Variants in TMEM178B observed in about 807,000 individuals in gnomAD.
The protein encoded by TMEM178B is transmembrane protein 178B.
A neutral mutation model predicts 31.0 loss-of-function variants in TMEM178B; 5 were observed. The ratio of observed to expected loss-of-function variants is 0.16; its 90% CI spans 0.08 to 0.34. TMEM178B has a LOEUF of 0.34. TMEM178B is among the 10% of genes least tolerant of loss of function. The pLI is 1.00. For synonymous variants in TMEM178B, 164 were observed against 164.0 expected (o/e 1.00, Z 0.00); for missense variants, 275 against 400.3 (o/e 0.69, Z 2.67).
chr7:141,352,806 A>C (rs1799757316), intron 2 of TMEM178B: 1 of 152,786 alleles, frequency 6.5e-6, no homozygotes, highest in Non-Finnish European at 1.5e-5. Context: ...ATGTGGCTCT[A>C]TATGACTATC....
At chr7:141,218,503 C>T (rs1409747102) in intron 2 of TMEM178B, among the ~76,000 whole-genome samples, 1 of 152,192 alleles carries the variant, frequency 6.6e-6, no homozygotes, top group Non-Finnish European at 1.5e-5. Context: ...CTTGATCTCT[C>T]ACCACTGCCT....
chr7:141,286,698 G>A (rs1167381167), intron 2 of TMEM178B, among the ~76,000 whole-genome samples: 2 of 152,188 alleles, frequency 1.3e-5, no homozygotes, highest in Admixed American at 6.5e-5. Flanking sequence ...AGACTGCATA[G>A]AGGATGTGTG....
intron 2 of TMEM178B, among the ~76,000 whole-genome samples, chr7:141,428,737 C>T (rs575549316): frequency 6.6e-6 from 1 of 152,332 alleles, no homozygotes; most frequent in African/African-American, 2.4e-5. Flanking sequence ...CCAAGCAGGG[C>T]ACTTGGATCT....
intron 2 of TMEM178B, among the ~76,000 whole-genome samples, chr7:141,235,221 G>T (rs1325825688): frequency 6.6e-6 from 1 of 152,124 alleles, no homozygotes; most frequent in African/African-American, 2.4e-5. Context: ...GAAGCCTTCT[G>T]ATTTATTGTG....
chr7:141,215,827 TTTC>T (rs1563120326), intron 2 of TMEM178B, among the ~76,000 whole-genome samples: 29 of 67,390 alleles, frequency 4.3e-4, no homozygotes, highest in Middle Eastern at 8.8e-3. Flanking sequence ...TCTTTCTTTC[TTTC>T]TTTCTTTCTT....
At chr7:141,079,464 C>A (rs1192797224) in intron 1 of TMEM178B, among the ~76,000 whole-genome samples, 2 of 152,148 alleles carry the variant, frequency 1.3e-5, no homozygotes, top group Admixed American at 1.3e-4. Flanking sequence ...TCTAAAAGAA[C>A]CAAGCACATA....
intron 3 of TMEM178B, among the ~76,000 whole-genome samples, chr7:141,443,295 G>A (rs1020814285): frequency 4.6e-5 from 7 of 151,966 alleles, no homozygotes; most frequent in Admixed American, 2.6e-4. Flanking sequence ...ATTAGCCAAC[G>A]GCCCCAGCTG....
intron 1 of TMEM178B, among the ~76,000 whole-genome samples, chr7:141,079,115 C>A (rs1170979225): frequency 6.6e-6 from 1 of 152,114 alleles, no homozygotes; most frequent in African/African-American, 2.4e-5. Flanking sequence ...GGTGAAAACC[C>A]ATCTCTAGTA....
At chr7:141,167,915 T>G (rs1796286889) in intron 1 of TMEM178B, among the ~76,000 whole-genome samples, 1 of 152,226 alleles carries the variant, frequency 6.6e-6, no homozygotes, top group African/African-American at 2.4e-5. Context: ...TGCCCCTACA[T>G]TTTTGTAAAA....
chr7:141,119,533 G>T (rs1414296435), intron 1 of TMEM178B, among the ~76,000 whole-genome samples: 1 of 151,936 alleles, frequency 6.6e-6, no homozygotes, highest in African/African-American at 2.4e-5. Flanking sequence ...CACAGAGACG[G>T]TTCAAGCCTG....
At chr7:141,432,194 G>A (rs898116155) in intron 2 of TMEM178B, among the ~76,000 whole-genome samples, 3 of 114,590 alleles carry the variant, frequency 2.6e-5, no homozygotes, top group East Asian at 6.0e-4. Context: ...TCTCACTGTC[G>A]CCCAGGCTGG....
the TMEM178B span, among the ~76,000 whole-genome samples, chr7:141,503,217 G>T: frequency 6.6e-6 from 1 of 152,174 alleles, no homozygotes; most frequent in Non-Finnish European, 1.5e-5. Flanking sequence ...AGATTCAAGG[G>T]TTCATCTGTT....
chr7:141,276,122 C>T (rs1798262563), intron 2 of TMEM178B, among the ~76,000 whole-genome samples: 1 of 152,002 alleles, frequency 6.6e-6, no homozygotes. Context: ...GGGGAAAATG[C>T]AGTGGGTTGG....
intron 2 of TMEM178B, among the ~76,000 whole-genome samples, chr7:141,323,310 G>T (rs1799133080): frequency 1.3e-5 from 2 of 151,800 alleles, no homozygotes; most frequent in African/African-American, 2.4e-5. Context: ...CTATCATCTG[G>T]GTACACAAAT....
intron 2 of TMEM178B, among the ~76,000 whole-genome samples, chr7:141,355,609 A>G (rs1216716022): frequency 2.0e-5 from 3 of 152,238 alleles, no homozygotes; most frequent in Non-Finnish European, 4.4e-5. Context: ...TGGGCATTCA[A>G]TGCCGATGCA....
chr7:141,412,556 T>A (rs1044412795), intron 2 of TMEM178B, among the ~76,000 whole-genome samples: 6 of 152,160 alleles, frequency 3.9e-5, no homozygotes, highest in Non-Finnish European at 5.9e-5. Flanking sequence ...ACAAAAAAAA[T>A]TCCACTTATA....
chr7:141,413,515 C>T (rs1276896332), intron 2 of TMEM178B, among the ~76,000 whole-genome samples: 2 of 152,188 alleles, frequency 1.3e-5, no homozygotes, highest in Admixed American at 6.5e-5. Context: ...AGAAAAAGTG[C>T]TCTGTTCTTT....
intron 1 of TMEM178B, among the ~76,000 whole-genome samples, chr7:141,159,545 A>G (rs1796132732): frequency 6.6e-6 from 1 of 152,206 alleles, no homozygotes; most frequent in South Asian, 2.1e-4. Flanking sequence ...GGCGGAAGCA[A>G]CCCACGTGTT....
chr7:141,481,533 G>C (rs896653485), downstream of TMEM178B, among the ~76,000 whole-genome samples: 1 of 152,210 alleles, frequency 6.6e-6, no homozygotes, highest in Non-Finnish European at 1.5e-5. Flanking sequence ...TCTGTGGAAA[G>C]ATGGGCACAG....
Sources: allele counts gnomAD v4.1 joint callset (sites outside exome capture counted in the v4.1 genomes callset), GRCh38; gene constraint gnomAD v4.1.1; transcripts MANE v1.5; gene names NCBI Gene and HGNC (gene_info 2026-07-23, HGNC 2026-07-21).